The following PRIM2 variants were observed in gnomAD, a reference collection of about 807,000 sequenced individuals.
PRIM2 encodes the protein DNA primase large subunit.
PRIM2 carries 39 observed loss-of-function variants against 67.3 expected under a neutral mutation model. The ratio of observed to expected loss-of-function variants is 0.58; its 90% CI spans 0.45 to 0.76. The LOEUF is 0.76. PRIM2 is among the 30% of genes least tolerant of loss of function. PRIM2 has a pLI of 0.00. For missense variants in PRIM2, 398 were observed against 598.7 expected (o/e 0.66, Z 3.50); for synonymous variants, 143 against 198.7 (o/e 0.72, Z 2.36).
At chr6:57,257,384 G>A in the PRIM2 span, among the ~76,000 whole-genome samples, 1 of 151,070 alleles carries the variant, frequency 6.6e-6, no homozygotes, top group Non-Finnish European at 1.5e-5. Context: ...CGATTCTCCT[G>A]CCTCAGGCTC....
At chr6:57,322,177 A>C (rs1767683330) in intron 3 of PRIM2, among the ~76,000 whole-genome samples, 1 of 152,198 alleles carries the variant, frequency 6.6e-6, no homozygotes, top group African/African-American at 2.4e-5. Context: ...ACAAGCACAC[A>C]CTTGTACATA....
chr6:57,444,858 G>T (rs867485407), intron 7 of PRIM2, among the ~76,000 whole-genome samples: 2 of 150,868 alleles, frequency 1.3e-5, no homozygotes, highest in Middle Eastern at 6.8e-3. Context: ...ATCTCCTCTG[G>T]TGTAAAGTGG....
intron 6 of PRIM2, 40 bp from the exon 7 acceptor site, chr6:57,381,991 C>T: frequency 1.3e-6 from 2 of 1,564,782 alleles, no homozygotes; most frequent in Non-Finnish European, 1.7e-6. Flanking sequence ...TTCTTAATGA[C>T]AGGTGCTGAC....
intron 8 of PRIM2, among the ~76,000 whole-genome samples, chr6:57,510,829 TC>T (rs1445251768): frequency 6.6e-6 from 1 of 152,182 alleles, no homozygotes; most frequent in East Asian, 1.9e-4. Context: ...TATTTTATCT[TC>T]CTTTTGCTTA....
At chr6:57,263,240 C>T in the PRIM2 span, among the ~76,000 whole-genome samples, 3 of 152,202 alleles carry the variant, frequency 2.0e-5, no homozygotes, top group African/African-American at 7.2e-5. Flanking sequence ...GTATTTGCTT[C>T]TTAGGGCTAT....
chr6:57,516,239 C>T (rs1205112263), intron 8 of PRIM2, among the ~76,000 whole-genome samples: 1 of 152,112 alleles, frequency 6.6e-6, no homozygotes, highest in Non-Finnish European at 1.5e-5. Flanking sequence ...CTGCAGAGCC[C>T]CTTTTACCGT....
In PRIM2 at chr6:57,386,417, C is replaced by CAA. The variant is rs71299586; in HGVS notation, c.693+4270_693+4271dup. Among the ~76,000 whole-genome samples the CAA allele has an allele frequency of 4.9e-3, 260 of 53,360 alleles. 1 individual carries two copies. Among genetic ancestry groups the CAA allele is most frequent in the East Asian group, 0.015 (21 of 1,412 alleles). 35.0% of individuals were successfully genotyped at this position (53,360 alleles called of 152,430 possible). A position where few individuals can be genotyped will look rare whatever the true frequency, so the allele number is the denominator to read the frequency against. ...TGGGCGACAGAGTGATACCCTGTCT[C>CAA]AAAAAAAAAAAAAAAAAAAAAAGAA... is the stretch of plus-strand genomic sequence containing the variant. On this transcript the variant is annotated intron_variant, in intron 7 of 13. Coordinates refer to ENST00000615550, the MANE Select transcript of PRIM2 (RefSeq NM_000947.5).
chr6:57,459,946 C>T (rs1408030216), intron 7 of PRIM2, among the ~76,000 whole-genome samples: 41 of 152,246 alleles, frequency 2.7e-4, no homozygotes, highest in Admixed American at 8.5e-4. Flanking sequence ...AAAGGTACTG[C>T]CTGCAGCAGA....
At chr6:57,515,739 T>C (rs1178831836) in intron 8 of PRIM2, among the ~76,000 whole-genome samples, 3 of 152,162 alleles carry the variant, frequency 2.0e-5, no homozygotes, top group Non-Finnish European at 4.4e-5. Context: ...AAGTGACCAG[T>C]GTATTAGTTT....
At chr6:57,553,418 A>C (rs1298258818) in intron 10 of PRIM2, among the ~76,000 whole-genome samples, 1 of 152,012 alleles carries the variant, frequency 6.6e-6, no homozygotes, top group Non-Finnish European at 1.5e-5. Context: ...TATTTAAAAA[A>C]ACATGAATCC....
At chr6:57,538,528 T>C (rs1475360596) in intron 10 of PRIM2, among the ~76,000 whole-genome samples, 1 of 152,228 alleles carries the variant, frequency 6.6e-6, no homozygotes, top group Non-Finnish European at 1.5e-5. Context: ...TTTTACTGTT[T>C]ATTTCTTGAT....
the PRIM2 span, among the ~76,000 whole-genome samples, chr6:57,306,461 G>A: frequency 3.3e-5 from 5 of 152,292 alleles, 1 homozygote; most frequent in South Asian, 8.3e-4. Context: ...ACTTAGGTGA[G>A]GGTGCTGACT....
chr6:57,539,607 ATTCT>A, intron 10 of PRIM2, among the ~76,000 whole-genome samples: 1 of 140,002 alleles, frequency 7.1e-6, no homozygotes, highest in Non-Finnish European at 1.5e-5. Flanking sequence ...TTTTGATTAT[ATTCT>A]TTGTGTGTGT....
intron 8 of PRIM2, among the ~76,000 whole-genome samples, chr6:57,519,363 T>C (rs1774560185): frequency 6.6e-6 from 1 of 152,224 alleles, no homozygotes; most frequent in South Asian, 2.1e-4. Flanking sequence ...GGGGTCTATT[T>C]CACCCCTGCA....
chr6:57,409,077 G>T (rs555891182), intron 7 of PRIM2, among the ~76,000 whole-genome samples: 160 of 151,416 alleles, frequency 1.1e-3, no homozygotes, highest in African/African-American at 3.7e-3. Flanking sequence ...ACCACAATTT[G>T]TTTATCTAGT....
the PRIM2 span, among the ~76,000 whole-genome samples, chr6:57,268,135 A>G: frequency 6.6e-6 from 1 of 152,138 alleles, no homozygotes; most frequent in African/African-American, 2.4e-5. Context: ...AGGTTCTATG[A>G]GTTACGTAGT....
intron 13 of PRIM2, among the ~76,000 whole-genome samples, chr6:57,639,989 A>G (rs1235544134): frequency 6.6e-6 from 1 of 152,062 alleles, no homozygotes; most frequent in East Asian, 1.9e-4. Flanking sequence ...ATCCTCAATA[A>G]AATACTGGCA....
At chr6:57,391,232 GTTGT>G (rs1410868864) in intron 7 of PRIM2, among the ~76,000 whole-genome samples, 111 of 146,054 alleles carry the variant, frequency 7.6e-4, no homozygotes, top group South Asian at 3.7e-3. Flanking sequence ...TTTTAATGGG[GTTGT>G]TTATCTCTTG....
the PRIM2 span, among the ~76,000 whole-genome samples, chr6:57,244,752 A>AG: frequency 6.6e-6 from 1 of 151,904 alleles, no homozygotes; most frequent in Non-Finnish European, 1.5e-5. Flanking sequence ...AAAAAAAAAA[A>AG]AAATTGCTTA....
Sources: allele counts gnomAD v4.1 joint callset (sites outside exome capture counted in the v4.1 genomes callset), GRCh38; gene constraint gnomAD v4.1.1; transcripts MANE v1.5; gene names NCBI Gene and HGNC (gene_info 2026-07-23, HGNC 2026-07-21).